The following EPB41L2 variants were observed in gnomAD, a reference collection of about 807,000 sequenced individuals.
The protein encoded by EPB41L2 is erythrocyte membrane protein band 4.1 like 2, also known as band 4.1-like protein 2.
In EPB41L2, 43 loss-of-function variants were observed where a neutral mutation model predicts 113.0. The observed-to-expected ratio is 0.38, with a 90% CI of 0.30 to 0.49. The LOEUF is 0.49. EPB41L2 is among the 20% of genes least tolerant of loss of function. EPB41L2 has a pLI of 0.95. For missense variants in EPB41L2, 1,147 were observed against 1,223.4 expected (o/e 0.94, Z 0.93); for synonymous variants, 442 against 436.7 (o/e 1.01, Z -0.15).
chr6:130,873,211 A>C (rs1487206153), intron 14 of EPB41L2, among the ~76,000 whole-genome samples: 1 of 152,208 alleles, frequency 6.6e-6, no homozygotes, highest in East Asian at 1.9e-4. Flanking sequence ...AGGTAAAGAA[A>C]AACAATTCAA....
At chr6:130,990,311 ACT>A (rs1408026624) in intron 1 of EPB41L2, among the ~76,000 whole-genome samples, 6 of 151,330 alleles carry the variant, frequency 4.0e-5, no homozygotes, top group African/African-American at 1.5e-4. Context: ...ACAAAGCAAG[ACT>A]CTGTCTCAAA....
At chr6:130,908,665 G>A (rs541363413) in intron 5 of EPB41L2, among the ~76,000 whole-genome samples, 156 bp downstream of exon 5, 9 of 152,184 alleles carry the variant, frequency 5.9e-5, no homozygotes, top group Admixed American at 3.3e-4. Flanking sequence ...AGCCATGTAC[G>A]AAACAGTCAC....
At chr6:130,848,373 T>C (rs1777752280) in intron 19 of EPB41L2, among the ~76,000 whole-genome samples, 1 of 152,102 alleles carries the variant, frequency 6.6e-6, no homozygotes, top group South Asian at 2.1e-4. Flanking sequence ...ATATGTAAAT[T>C]TTCTAGAAGC....
intron 12 of EPB41L2, among the ~76,000 whole-genome samples, chr6:130,883,532 G>A (rs554213644): frequency 6.6e-5 from 10 of 152,254 alleles, no homozygotes; most frequent in Admixed American, 2.0e-4. Context: ...GTTGTTCACC[G>A]CAGACAAGGA....
At chr6:130,929,188 A>G (rs573975884) in intron 3 of EPB41L2, among the ~76,000 whole-genome samples, 1 of 152,354 alleles carries the variant, frequency 6.6e-6, no homozygotes, top group South Asian at 2.1e-4. Flanking sequence ...AGCGATGTAC[A>G]AAGTGCTATC....
At chr6:130,972,596 A>T (rs1229448805) in intron 1 of EPB41L2, among the ~76,000 whole-genome samples, 3 of 151,704 alleles carry the variant, frequency 2.0e-5, no homozygotes, top group African/African-American at 2.4e-5. Context: ...TTCAGGACTC[A>T]GATAGACTAT....
intron 1 of EPB41L2, among the ~76,000 whole-genome samples, chr6:131,028,109 G>T (rs1244764316): frequency 6.6e-6 from 1 of 152,156 alleles, no homozygotes; most frequent in Non-Finnish European, 1.5e-5. Flanking sequence ...GTAAAAAGAT[G>T]ATGTCAATTC....
chr6:131,047,595 T>C (rs1001342518), intron 1 of EPB41L2, among the ~76,000 whole-genome samples: 1 of 152,226 alleles, frequency 6.6e-6, no homozygotes, highest in Non-Finnish European at 1.5e-5. Flanking sequence ...GCTACAGCTA[T>C]AATGCCAACA....
At chr6:130,875,376 G>A (rs1332897416) in intron 14 of EPB41L2, among the ~76,000 whole-genome samples, 3 of 152,066 alleles carry the variant, frequency 2.0e-5, no homozygotes, top group Non-Finnish European at 2.9e-5. Flanking sequence ...CATTCTTATT[G>A]TACAATTCCA....
At chr6:131,051,144 A>C (rs1473687687) in intron 1 of EPB41L2, among the ~76,000 whole-genome samples, 4 of 152,116 alleles carry the variant, frequency 2.6e-5, no homozygotes, top group African/African-American at 9.7e-5. Flanking sequence ...CTTCTTGACC[A>C]ATAACATATC....
intron 4 of EPB41L2, among the ~76,000 whole-genome samples, chr6:130,915,916 C>A (rs774328062): frequency 3.0e-4 from 46 of 152,190 alleles, no homozygotes; most frequent in Non-Finnish European, 6.0e-4. Context: ...GAATTGTAAA[C>A]CTCTTTCTTT....
intron 1 of EPB41L2, among the ~76,000 whole-genome samples, chr6:131,009,267 C>A (rs908939181): frequency 1.3e-5 from 2 of 152,188 alleles, no homozygotes; most frequent in South Asian, 4.1e-4. Context: ...CTCATTCACT[C>A]TCCTGCTGCC....
chr6:130,855,662 A>T (rs1266550710), intron 19 of EPB41L2, among the ~76,000 whole-genome samples: 1 of 152,220 alleles, frequency 6.6e-6, no homozygotes, highest in Non-Finnish European at 1.5e-5. Flanking sequence ...AATGAAAGAC[A>T]TTAAAGAAGA....
At chr6:131,061,024 T>TGAA (rs1562821318) in intron 1 of EPB41L2, among the ~76,000 whole-genome samples, 7 of 152,226 alleles carry the variant, frequency 4.6e-5, no homozygotes, top group Admixed American at 3.9e-4. Context: ...CGTAGATATA[T>TGAA]GAAGAGTTCG....
chr6:131,022,842 C>T (rs1434510984), intron 1 of EPB41L2, among the ~76,000 whole-genome samples: 2 of 152,158 alleles, frequency 1.3e-5, no homozygotes, highest in African/African-American at 4.8e-5. Context: ...GTAACACTAA[C>T]CTCTTGGAGA....
intron 1 of EPB41L2, among the ~76,000 whole-genome samples, chr6:131,056,954 A>G (rs144525082): frequency 3.3e-4 from 50 of 152,312 alleles, no homozygotes; most frequent in African/African-American, 1.1e-3. Context: ...ATTCAGTTTA[A>G]CCTTGACAGT....
At chr6:130,878,348 G>A (rs1244696557) in intron 13 of EPB41L2, 98 bp from the exon 14 acceptor site, 23 of 1,325,164 alleles carry the variant, frequency 1.7e-5, no homozygotes, top group Admixed American at 3.3e-5. Flanking sequence ...GCAAACTTAC[G>A]ATTAAAAAAA....
Position 130,890,406 on chromosome 6 carries a change from G to C in EPB41L2, c.1548C>G (p.Arg516=), listed in dbSNP as rs1792422119. 2 of 1,612,044 alleles carry C rather than the reference G, an allele frequency of 1.2e-6. No individual in the cohort carries two copies. The highest frequency in any genetic ancestry group is 1.7e-6 in the Non-Finnish European group (2 of 1,179,722). ...TCTGTGCTTGGGTGCGGCCACTATA[G>C]CGAAATTTGGACCCCAAGGTCAGGA... ...AKFLTLGSKF[R]YSGRTQAQTR... is the part of the protein sequence containing the mutation. Residue 516 remains arginine (R), a synonymous_variant, in exon 11 of 20, where the codon CGC becomes CGG. Transcript: ENST00000337057.
chr6:130,847,668 T>G (rs1391218536), intron 19 of EPB41L2, among the ~76,000 whole-genome samples: 1 of 152,230 alleles, frequency 6.6e-6, no homozygotes, highest in Non-Finnish European at 1.5e-5. Context: ...GTTGATTAAC[T>G]ATATCTATGA....
Sources: gnomAD v4.1 joint callset for allele counts (sites outside exome capture counted in the v4.1 genomes callset) on GRCh38, gnomAD v4.1.1 for gene constraint, MANE v1.5 for transcripts, NCBI Gene and HGNC (gene_info 2026-07-23, HGNC 2026-07-21) for gene names.